INTS8: variants seen among roughly 807,000 people sequenced by gnomAD.
INTS8 encodes protein kaonashi-1.
Under a neutral mutation model 138.9 loss-of-function variants are expected in INTS8, and 47 were observed. The ratio of observed to expected loss-of-function variants is 0.34; its 90% CI spans 0.27 to 0.43. The LOEUF is 0.43. INTS8 is among the 20% of genes least tolerant of loss of function. The probability of loss-of-function intolerance (pLI) is 1.00; values close to 1 mark genes in which losing one functional copy is unlikely to be tolerated. For missense variants in INTS8, 996 were observed against 1,173.0 expected (o/e 0.85, Z 2.20); for synonymous variants, 392 against 400.9 (o/e 0.98, Z 0.27).
chr8:94,881,158 GTTTAAA>G lies in INTS8; in HGVS notation c.*930_*935del, dbSNP rs1335210291. ...TACAAAACTAAACCTTTGTAAACAAGTTTAAATTTAATTTTCAAGAACCAAATTGCA... is the reference window on the plus strand; with the variant it reads ...TACAAAACTAAACCTTTGTAAACAAGTTTAATTTTCAAGAACCAAATTGCA... On this transcript the variant is annotated 3_prime_UTR_variant, in exon 27 of 27. Transcript: ENST00000523731. 2.8e-5 allele frequency: 11 copies of G among 391,738 alleles called. No individual in the cohort carries two copies. Among genetic ancestry groups the G allele is most frequent in the Admixed American group, 4.4e-5 (1 of 22,570 alleles). 24.3% of individuals were successfully genotyped at this position (391,738 alleles called of 1,614,324 possible).
At chr8:94,863,023 A>G (rs1816050608) in intron 16 of INTS8, among the ~76,000 whole-genome samples, 1 of 152,330 alleles carries the variant, frequency 6.6e-6, no homozygotes, top group Non-Finnish European at 1.5e-5. Context: ...GAAAATTCTT[A>G]AGCATGTCAC....
intron 15 of INTS8, among the ~76,000 whole-genome samples, chr8:94,859,259 C>T (rs532043294): frequency 2.4e-4 from 36 of 151,266 alleles, no homozygotes; most frequent in Non-Finnish European, 3.5e-4. Context: ...CTATCCTGGG[C>T]GACAGAGTGA....
chr8:94,845,693 CCT>C (rs1815308228), intron 10 of INTS8, among the ~76,000 whole-genome samples: 1 of 152,078 alleles, frequency 6.6e-6, no homozygotes, highest in South Asian at 2.1e-4. Flanking sequence ...AAACTCCTGA[CCT>C]CATGATCTGC....
intron 14 of INTS8, among the ~76,000 whole-genome samples, 177 bp downstream of exon 14, chr8:94,854,092 G>A (rs139563067): frequency 2.0e-5 from 3 of 151,532 alleles, no homozygotes; most frequent in Admixed American, 6.6e-5. Flanking sequence ...AAAATTAGCC[G>A]GGTGACTATA....
intron 20 of INTS8, among the ~76,000 whole-genome samples, chr8:94,868,222 A>G (rs1816254380): frequency 6.6e-6 from 1 of 152,156 alleles, no homozygotes; most frequent in Non-Finnish European, 1.5e-5. Context: ...TCCCACACAT[A>G]GCACTTCTCA....
chr8:94,829,842 C>CT (rs1215831934), intron 5 of INTS8, among the ~76,000 whole-genome samples: 1 of 152,072 alleles, frequency 6.6e-6, no homozygotes, highest in Non-Finnish European at 1.5e-5. Flanking sequence ...TCTAAAAACT[C>CT]TATGACAAAC....
chr8:94,827,629 A>T, intron 3 of INTS8, 93 bp from the exon 4 acceptor site: 1 of 1,123,074 alleles, frequency 8.9e-7, no homozygotes, highest in East Asian at 2.4e-5. Flanking sequence ...TTAATGCTTC[A>T]TATAATTTAT....
At chr8:94,841,732 G>A (rs538443218) in intron 9 of INTS8, 141 bp downstream of exon 9, 3 of 556,276 alleles carry the variant, frequency 5.4e-6, no homozygotes, top group Admixed American at 6.8e-5. Context: ...TTAACATAGG[G>A]TGGAGGAACA....
chr8:94,855,244 A>T (rs944971944), intron 14 of INTS8, among the ~76,000 whole-genome samples: 4 of 152,226 alleles, frequency 2.6e-5, no homozygotes, highest in Non-Finnish European at 5.9e-5. Flanking sequence ...GTAATTTCAT[A>T]AAAAAGTTTA....
At chr8:94,824,742 C>T (rs1814418501) in intron 1 of INTS8, 151 bp from the exon 2 acceptor site, 2 of 437,856 alleles carry the variant, frequency 4.6e-6, no homozygotes, top group African/African-American at 4.2e-5. Context: ...TTTAACAGCG[C>T]AGCTGTTTGG....
At chr8:94,832,226 T>A (rs200279468) in intron 6 of INTS8, 52 bp downstream of exon 6, 2 of 1,295,014 alleles carry the variant, frequency 1.5e-6, no homozygotes, top group Non-Finnish European at 2.2e-6. Context: ...AAAATCTTAA[T>A]ATGAGATCAT....
intron 20 of INTS8, among the ~76,000 whole-genome samples, chr8:94,869,904 G>A (rs963568234): frequency 1.3e-5 from 2 of 152,094 alleles, no homozygotes; most frequent in Admixed American, 1.3e-4. Flanking sequence ...TTACCCTAGG[G>A]GCTCTGGGTC....
At chr8:94,835,693 G>A (rs1008543680) in intron 6 of INTS8, among the ~76,000 whole-genome samples, 3 of 151,816 alleles carry the variant, frequency 2.0e-5, no homozygotes, top group Admixed American at 6.6e-5. Flanking sequence ...TCTGCCTCCC[G>A]GGTTCAAGCG....
chr8:94,838,532 G>A lies in INTS8; in HGVS notation c.931G>A (p.Val311Ile). ...AGCTGGCTATTGTCAAGCATGTGAT[G>A]TTCTTGTACCTTCTTCTGATAGTAC... Reference protein sequence around the residue: ...RLAGYCQACDVLVPSSDSTSQ... With the variant: ...RLAGYCQACDILVPSSDSTSQ... Residue 311 changes from valine (V) to isoleucine (I), a missense_variant, in exon 8 of 27, where the codon GTT becomes ATT. By Grantham distance (29) the Val-to-Ile change is conservative. Coordinates refer to ENST00000523731, the MANE Select transcript of INTS8 (RefSeq NM_017864.4). 6.2e-7 allele frequency: 1 copy of A among 1,612,826 alleles called. No homozygotes were observed. Among genetic ancestry groups the A allele is most frequent in the Non-Finnish European group, 8.5e-7 (1 of 1,178,854 alleles).
chr8:94,853,140 C>T (rs1043661740), intron 13 of INTS8, among the ~76,000 whole-genome samples: 6 of 151,814 alleles, frequency 4.0e-5, no homozygotes, highest in African/African-American at 9.7e-5. Context: ...AGCGAAACCC[C>T]GTCTCTACTA....
intron 6 of INTS8, among the ~76,000 whole-genome samples, chr8:94,835,358 A>T (rs1295351773): frequency 1.3e-5 from 2 of 152,224 alleles, no homozygotes; most frequent in Admixed American, 6.5e-5. Flanking sequence ...AGGTGTCAAT[A>T]TAAGCTTTTT....
chr8:94,862,604 C>T (rs1338700841), intron 16 of INTS8, among the ~76,000 whole-genome samples: 2 of 152,122 alleles, frequency 1.3e-5, no homozygotes, highest in Non-Finnish European at 2.9e-5. Context: ...CTGCAGTTCC[C>T]CTGATCTGGT....
intron 6 of INTS8, among the ~76,000 whole-genome samples, chr8:94,834,923 G>A (rs1814868723): frequency 6.6e-6 from 1 of 152,130 alleles, no homozygotes; most frequent in South Asian, 2.1e-4. Context: ...GGTTGGTTTT[G>A]TGGTATAAAA....
intron 6 of INTS8, 52 bp downstream of exon 6, chr8:94,832,226 TA>T: frequency 7.7e-7 from 1 of 1,295,014 alleles, no homozygotes; most frequent in Non-Finnish European, 1.1e-6. Context: ...AAAATCTTAA[TA>T]TGAGATCATC....
Sources: gnomAD v4.1 joint callset for allele counts (sites outside exome capture counted in the v4.1 genomes callset) on GRCh38, gnomAD v4.1.1 for gene constraint, MANE v1.5 for transcripts, NCBI Gene and HGNC (gene_info 2026-07-23, HGNC 2026-07-21) for gene names.